UNC5C: variants seen among roughly 807,000 people sequenced by gnomAD.
UNC5C encodes the protein unc-5 netrin receptor C, also known as netrin receptor UNC5C.
Under a neutral mutation model 99.8 loss-of-function variants are expected in UNC5C, and 47 were observed. That is an observed-to-expected ratio of 0.47 (90% CI 0.37 to 0.60). The LOEUF (loss-of-function observed/expected upper bound fraction) is 0.60. Among genes scored for constraint, UNC5C ranks in the 20% least tolerant of loss-of-function variants. UNC5C has a pLI of 0.00. For synonymous variants in UNC5C, 487 were observed against 452.2 expected (o/e 1.08, Z -0.98); for missense variants, 1,062 against 1,165.9 (o/e 0.91, Z 1.30).
chr4:95,425,456 G>A (rs2149458161), intron 1 of UNC5C, among the ~76,000 whole-genome samples: 1 of 152,344 alleles, frequency 6.6e-6, no homozygotes, highest in Admixed American at 6.5e-5. Context: ...CGAGTAACTG[G>A]GACTACAGGC....
chr4:95,319,581 G>C (rs901660585), intron 2 of UNC5C, among the ~76,000 whole-genome samples: 2 of 152,150 alleles, frequency 1.3e-5, no homozygotes, highest in South Asian at 2.1e-4. Context: ...GTACTATTTA[G>C]AGGATCTGGC....
At chr4:95,300,362 T>C (rs1052942475) in intron 3 of UNC5C, among the ~76,000 whole-genome samples, 8 of 152,222 alleles carry the variant, frequency 5.3e-5, no homozygotes, top group Admixed American at 2.0e-4. Flanking sequence ...TCAAAAAATA[T>C]ATTTCTTACA....
In UNC5C at chr4:95,447,502, TA is replaced by T. The variant is rs767473588; in HGVS notation, c.124+101231del. On this transcript the variant is annotated intron_variant, in intron 1 of 15. Coordinates refer to ENST00000453304, the MANE Select transcript of UNC5C (RefSeq NM_003728.4). ...GGCCTGCCTAATTTTATTATTTATT[TA>T]TTTTTTTATTTATTTGAGACGAAGT... 4.1e-4 allele frequency among the ~76,000 whole-genome samples: 63 copies of T among 152,078 alleles called. 1 individual carries two copies. The highest frequency in any genetic ancestry group is 3.7e-3 in the East Asian group (19 of 5,180).
At chr4:95,474,287 C>T (rs1748063185) in intron 1 of UNC5C, among the ~76,000 whole-genome samples, 1 of 151,920 alleles carries the variant, frequency 6.6e-6, no homozygotes, top group Non-Finnish European at 1.5e-5. Context: ...CATTGTCATA[C>T]ATGTAATTTT....
intron 1 of UNC5C, among the ~76,000 whole-genome samples, chr4:95,508,467 T>C (rs1235112041): frequency 1.3e-5 from 2 of 152,010 alleles, no homozygotes; most frequent in African/African-American, 4.8e-5. Context: ...AATCTGATCT[T>C]GTTATTGGCT....
intron 1 of UNC5C, among the ~76,000 whole-genome samples, chr4:95,547,919 T>C (rs1723115872): frequency 6.6e-6 from 1 of 152,210 alleles, no homozygotes; most frequent in Non-Finnish European, 1.5e-5. Context: ...AGGGCCCCGG[T>C]CACTTATGTT....
intron 1 of UNC5C, among the ~76,000 whole-genome samples, chr4:95,546,453 A>G (rs1244455030): frequency 2.0e-5 from 3 of 152,226 alleles, no homozygotes; most frequent in African/African-American, 7.2e-5. Flanking sequence ...TAACTAACAG[A>G]CAACACAGGA....
At chr4:95,361,974 T>A (rs1744409580) in intron 1 of UNC5C, among the ~76,000 whole-genome samples, 1 of 151,478 alleles carries the variant, frequency 6.6e-6, no homozygotes, top group Non-Finnish European at 1.5e-5. Flanking sequence ...CTATTATATA[T>A]ATATATATCT....
intron 1 of UNC5C, among the ~76,000 whole-genome samples, chr4:95,532,207 T>A (rs1416243961): frequency 6.6e-6 from 1 of 152,104 alleles, no homozygotes; most frequent in Non-Finnish European, 1.5e-5. Context: ...TAGAGATGGA[T>A]CTCTGAGGGT....
Position 95,168,980 on chromosome 4 carries a change from C to A in UNC5C, c.*254G>T. 1 of 474,866 alleles carries A rather than the reference C, an allele frequency of 2.1e-6. No individual in the cohort carries two copies. The allele number at this position is 474,866 out of a possible 1,614,324, so 29.4% of individuals were successfully genotyped here. On this transcript the variant is annotated 3_prime_UTR_variant, in exon 16 of 16. Transcript: ENST00000453304. ...CTGTACCACACAGCATACAGCCCAA[C>A]TAAGAGGAAAATTAGGTTGATAGCT...
chr4:95,283,669 A>C (rs1447000803), intron 3 of UNC5C, among the ~76,000 whole-genome samples: 3 of 152,230 alleles, frequency 2.0e-5, no homozygotes, highest in African/African-American at 7.2e-5. Context: ...GTCAGCTGGG[A>C]ATTAGATGTA....
intron 1 of UNC5C, among the ~76,000 whole-genome samples, chr4:95,370,271 A>G (rs1171441671): frequency 6.6e-6 from 1 of 152,188 alleles, no homozygotes; most frequent in African/African-American, 2.4e-5. Flanking sequence ...ATTGGGCTAT[A>G]TAATTATATT....
intron 1 of UNC5C, among the ~76,000 whole-genome samples, chr4:95,464,890 T>G (rs2149472322): frequency 6.6e-6 from 1 of 152,328 alleles, no homozygotes; most frequent in Middle Eastern, 3.4e-3. Flanking sequence ...AGAACGGTAT[T>G]AGGTGCTACA....
chr4:95,352,547 A>G (rs1423317175), intron 1 of UNC5C, among the ~76,000 whole-genome samples: 1 of 152,138 alleles, frequency 6.6e-6, no homozygotes, highest in Admixed American at 6.6e-5. Context: ...ATAAAACTCC[A>G]AGCTTTATGG....
chr4:95,209,821 C>T (rs1738014874), intron 10 of UNC5C, among the ~76,000 whole-genome samples: 1 of 152,140 alleles, frequency 6.6e-6, no homozygotes, highest in African/African-American at 2.4e-5. Context: ...TTGCTTAATT[C>T]TATTTTTTCC....
intron 2 of UNC5C, among the ~76,000 whole-genome samples, chr4:95,310,597 G>T (rs1184875141): frequency 6.6e-6 from 1 of 152,074 alleles, no homozygotes; most frequent in Non-Finnish European, 1.5e-5. Flanking sequence ...TTATTCAAAA[G>T]TTAAATAATT....
chr4:95,306,904 T>C (rs1312234540), intron 2 of UNC5C, among the ~76,000 whole-genome samples: 2 of 152,322 alleles, frequency 1.3e-5, no homozygotes, highest in Non-Finnish European at 2.9e-5. Flanking sequence ...CAAAGTTTTA[T>C]TGAATTAGTG....
At chr4:95,480,830 A>G (rs1026375076) in intron 1 of UNC5C, among the ~76,000 whole-genome samples, 3 of 152,020 alleles carry the variant, frequency 2.0e-5, no homozygotes, top group Non-Finnish European at 2.9e-5. Context: ...AAAAACTCTC[A>G]ATAAATTAGG....
At chr4:95,218,821 T>C (rs1738352432) in intron 9 of UNC5C, 148 bp downstream of exon 9, 1 of 730,104 alleles carries the variant, frequency 1.4e-6, no homozygotes, top group Non-Finnish European at 2.2e-6. Context: ...TGAAGTAATG[T>C]TCTGTTTACA....
Sources: allele counts gnomAD v4.1 joint callset (sites outside exome capture counted in the v4.1 genomes callset), GRCh38; gene constraint gnomAD v4.1.1; transcripts MANE v1.5; gene names NCBI Gene and HGNC (gene_info 2026-07-23, HGNC 2026-07-21).